Variants in PRKCB observed in about 807,000 individuals in gnomAD.
The protein encoded by PRKCB is protein kinase C beta type.
PRKCB carries 13 observed loss-of-function variants against 81.5 expected under a neutral mutation model. The ratio of observed to expected loss-of-function variants is 0.16; its 90% CI spans 0.10 to 0.25. PRKCB has a LOEUF of 0.25. Among genes scored for constraint, PRKCB ranks in the 10% least tolerant of loss-of-function variants. The pLI is 1.00. For synonymous variants in PRKCB, 335 were observed against 321.4 expected (o/e 1.04, Z -0.45); for missense variants, 509 against 875.7 (o/e 0.58, Z 5.29).
chr16:24,098,192 C>T (rs962897563), intron 7 of PRKCB: 7 of 152,136 alleles, frequency 4.6e-5, no homozygotes, highest in Non-Finnish European at 1.0e-4. Flanking sequence ...TGTGTTAAAG[C>T]ACAATTCACA....
At chr16:23,955,508 C>A (rs1418484567) in intron 2 of PRKCB, among the ~76,000 whole-genome samples, 13 of 152,146 alleles carry the variant, frequency 8.5e-5, no homozygotes, top group African/African-American at 2.9e-4. Flanking sequence ...TCATCCCCAG[C>A]TGAGTGTTCT....
At chr16:23,917,903 G>T (rs1963766338) in intron 2 of PRKCB, among the ~76,000 whole-genome samples, 1 of 152,190 alleles carries the variant, frequency 6.6e-6, no homozygotes, top group Non-Finnish European at 1.5e-5. Flanking sequence ...GGAAGGCAGG[G>T]TGTGGAGGAC....
intron 10 of PRKCB, among the ~76,000 whole-genome samples, chr16:24,169,040 T>A (rs748794169): frequency 1.3e-5 from 2 of 152,090 alleles, no homozygotes; most frequent in Non-Finnish European, 2.9e-5. Flanking sequence ...TATGTTTCAT[T>A]CCAGCCCCTC....
At chr16:23,898,034 G>C (rs1181543163) in intron 2 of PRKCB, among the ~76,000 whole-genome samples, 3 of 150,314 alleles carry the variant, frequency 2.0e-5, no homozygotes, top group African/African-American at 7.3e-5. Context: ...GAGTAGCTGG[G>C]ATTACAGGCA....
At chr16:24,012,113 G>A (rs1965210870) in intron 3 of PRKCB, among the ~76,000 whole-genome samples, 1 of 151,986 alleles carries the variant, frequency 6.6e-6, no homozygotes, top group Non-Finnish European at 1.5e-5. Flanking sequence ...CAATTCTTGG[G>A]GCATCTTGCT....
At chr16:23,892,363 A>G (rs571790577) in intron 2 of PRKCB, among the ~76,000 whole-genome samples, 2 of 152,304 alleles carry the variant, frequency 1.3e-5, no homozygotes, top group South Asian at 4.1e-4. Flanking sequence ...AGGATGCAGT[A>G]TCAGCTGATT....
intron 2 of PRKCB, among the ~76,000 whole-genome samples, chr16:23,916,166 A>G (rs1292465356): frequency 1.4e-5 from 2 of 147,308 alleles, no homozygotes; most frequent in Non-Finnish European, 3.0e-5. Context: ...CGATTCTCCC[A>G]CCTCAGCCTG....
At chr16:23,914,191 T>C (rs767099170) in intron 2 of PRKCB, among the ~76,000 whole-genome samples, 3 of 152,150 alleles carry the variant, frequency 2.0e-5, no homozygotes, top group Non-Finnish European at 2.9e-5. Context: ...TTTTATTTTA[T>C]TATTTTTGGG....
chr16:23,842,197 T>C (rs1962279664), intron 2 of PRKCB, among the ~76,000 whole-genome samples: 1 of 152,190 alleles, frequency 6.6e-6, no homozygotes, highest in Non-Finnish European at 1.5e-5. Flanking sequence ...GTATCTCTGA[T>C]GGAGCCGCTT....
chr16:24,059,990 C>T (rs560658173), intron 5 of PRKCB, among the ~76,000 whole-genome samples: 2 of 152,172 alleles, frequency 1.3e-5, no homozygotes, highest in African/African-American at 2.4e-5. Context: ...GGAGTGTAGA[C>T]AACTCATGAG....
chr16:23,913,557 T>G (rs1172223251), intron 2 of PRKCB, among the ~76,000 whole-genome samples: 2 of 152,216 alleles, frequency 1.3e-5, no homozygotes, highest in African/African-American at 4.8e-5. Flanking sequence ...GCTAGTCATT[T>G]CTGAGTGCGG....
intron 2 of PRKCB, among the ~76,000 whole-genome samples, chr16:23,951,004 G>A (rs1246992875): frequency 1.3e-5 from 2 of 152,092 alleles, no homozygotes; most frequent in Non-Finnish European, 2.9e-5. Context: ...CTGTTATCCT[G>A]CCGGCAGTCA....
intron 2 of PRKCB, among the ~76,000 whole-genome samples, chr16:23,891,699 A>G (rs1354553051): frequency 2.0e-5 from 3 of 152,184 alleles, no homozygotes; most frequent in Non-Finnish European, 4.4e-5. Flanking sequence ...CAGTTGTGGT[A>G]TCATATCAGC....
intron 2 of PRKCB, among the ~76,000 whole-genome samples, chr16:23,924,977 A>G (rs1963876533): frequency 6.6e-6 from 1 of 152,064 alleles, no homozygotes; most frequent in Non-Finnish European, 1.5e-5. Flanking sequence ...CCTGGGTAAA[A>G]TGATTTACGG....
intron 16 of PRKCB, among the ~76,000 whole-genome samples, chr16:24,192,893 T>C (rs1379227967): frequency 6.6e-6 from 1 of 152,138 alleles, no homozygotes; most frequent in Non-Finnish European, 1.5e-5. Flanking sequence ...CTGTGGAGTT[T>C]GGCATTAGGA....
intron 2 of PRKCB, among the ~76,000 whole-genome samples, chr16:23,913,138 C>A (rs1046542829): frequency 6.6e-6 from 1 of 152,070 alleles, no homozygotes; most frequent in Non-Finnish European, 1.5e-5. Context: ...AGGTGGACAC[C>A]AGGCAGCCCT....
chr16:24,054,320 G>A (rs562879664), intron 5 of PRKCB, among the ~76,000 whole-genome samples: 1 of 152,238 alleles, frequency 6.6e-6, no homozygotes, highest in Admixed American at 6.5e-5. Context: ...CTTTCCCAAT[G>A]GTAGGCAATA....
chr16:24,131,524 C>A (rs1419259629), intron 9 of PRKCB, among the ~76,000 whole-genome samples: 1 of 152,218 alleles, frequency 6.6e-6, no homozygotes, highest in African/African-American at 2.4e-5. Context: ...TAGTCTTGGC[C>A]AAGTTTTCCA....
intron 10 of PRKCB, among the ~76,000 whole-genome samples, chr16:24,159,595 T>C (rs911207701): frequency 1.3e-5 from 2 of 152,300 alleles, no homozygotes; most frequent in Middle Eastern, 3.4e-3. Flanking sequence ...TGCTAAGTAG[T>C]GGAGCTAAGA....
Sources: gnomAD v4.1 joint callset for allele counts (sites outside exome capture counted in the v4.1 genomes callset) on GRCh38, gnomAD v4.1.1 for gene constraint, MANE v1.5 for transcripts, NCBI Gene and HGNC (gene_info 2026-07-23, HGNC 2026-07-21) for gene names.